Variants in SNX7 observed in about 807,000 individuals in gnomAD.
SNX7 encodes the protein sorting nexin-7.
Under a neutral mutation model 48.4 loss-of-function variants are expected in SNX7, and 35 were observed. That is an observed-to-expected ratio of 0.72 (90% CI 0.55 to 0.96). The LOEUF (loss-of-function observed/expected upper bound fraction) is 0.96, where lower values mean the gene tolerates loss of function less well. Among genes scored for constraint, SNX7 ranks in the 40% least tolerant of loss-of-function variants. The probability of loss-of-function intolerance (pLI) is 0.00; values close to 1 mark genes in which losing one functional copy is unlikely to be tolerated. For synonymous variants in SNX7, 190 were observed against 190.2 expected (o/e 1.00, Z 0.01); for missense variants, 553 against 548.9 (o/e 1.01, Z -0.07).
intron 7 of SNX7, among the ~76,000 whole-genome samples, chr1:98,710,487 C>T (rs1263157310): frequency 6.6e-6 from 1 of 151,778 alleles, no homozygotes; most frequent in Non-Finnish European, 1.5e-5. Flanking sequence ...AACAGATGGA[C>T]AAGTAAAAGG....
chr1:98,752,897 CT>C (rs1392725182), intron 8 of SNX7, among the ~76,000 whole-genome samples: 1 of 152,058 alleles, frequency 6.6e-6, no homozygotes, highest in African/African-American at 2.4e-5. Flanking sequence ...CCTACTTCTC[CT>C]TCCAAAATCA....
At chr1:98,702,084 T>C (rs1403457437) in intron 7 of SNX7, among the ~76,000 whole-genome samples, 181 bp downstream of exon 7, 1 of 152,156 alleles carries the variant, frequency 6.6e-6, no homozygotes, top group Non-Finnish European at 1.5e-5. Context: ...CATGTGAGTC[T>C]ACAAGCTTAA....
chr1:98,663,252 G>GTTTTTTTTTTTTTTTTTTTTTTTTT lies in SNX7; in HGVS notation c.180+1341_180+1342insTTTTTTTTTTTTTTTTTTTTTTTTT, dbSNP rs1491348958. On this transcript the variant is annotated intron_variant, in intron 1 of 8. Transcript: ENST00000306121. The stretch of plus-strand genomic sequence containing the variant: ...ATCAGAATCATCAGGGTTTCTTTCT[G>GTTTTTTTTTTTTTTTTTTTTTTTTT]GTTTTTTTTTTTTTTTTTTTTTTTT... Among the ~76,000 whole-genome samples the GTTTTTTTTTTTTTTTTTTTTTTTTT allele has an allele frequency of 1.6e-4, 13 of 83,184 alleles. 6 individuals carry two copies. Among genetic ancestry groups the GTTTTTTTTTTTTTTTTTTTTTTTTT allele is most frequent in the Admixed American group, 2.5e-4 (2 of 8,004 alleles). The allele number at this position is 83,184 out of a possible 152,430, so 54.6% of individuals were successfully genotyped here.
At chr1:98,661,433 C>A (rs1649200824), upstream of SNX7, among the ~76,000 whole-genome samples, 1 of 152,100 alleles carries the variant, frequency 6.6e-6, no homozygotes, top group South Asian at 2.1e-4. Flanking sequence ...TGGGTCAATG[C>A]GAGGACGCCC....
At chr1:98,719,203 C>T (rs948957188) in intron 7 of SNX7, among the ~76,000 whole-genome samples, 3 of 152,040 alleles carry the variant, frequency 2.0e-5, no homozygotes, top group Non-Finnish European at 4.4e-5. Flanking sequence ...ATGTGTTAAC[C>T]CATGTAGGGT....
chr1:98,756,422 G>GTTTTTTTTTTTTTTT (rs35117249), intron 8 of SNX7, among the ~76,000 whole-genome samples: 1 of 54,692 alleles, frequency 1.8e-5, no homozygotes, highest in East Asian at 7.6e-4. Context: ...TGCCAGATGA[G>GTTTTTTTTTTTTTTT]TTTTTTTTTT....
At chr1:98,725,258 G>T (rs1031548939) in intron 7 of SNX7, among the ~76,000 whole-genome samples, 5 of 151,982 alleles carry the variant, frequency 3.3e-5, no homozygotes, top group Non-Finnish European at 7.4e-5. Flanking sequence ...CATGACTTTG[G>T]CGATCCTTAG....
At chr1:98,759,537 CT>C (rs1250464113) in intron 8 of SNX7, among the ~76,000 whole-genome samples, 1 of 152,088 alleles carries the variant, frequency 6.6e-6, no homozygotes, top group African/African-American at 2.4e-5. Context: ...GGAGCATTCA[CT>C]TTATGCTAGG....
intron 8 of SNX7, among the ~76,000 whole-genome samples, chr1:98,757,230 T>C (rs1009763951): frequency 5.9e-5 from 9 of 152,108 alleles, no homozygotes; most frequent in Non-Finnish European, 1.3e-4. Flanking sequence ...GGTATTTCTT[T>C]ATAGCAATGC....
intron 1 of SNX7, among the ~76,000 whole-genome samples, chr1:98,684,258 T>G (rs961090969): frequency 2.0e-5 from 3 of 152,210 alleles, no homozygotes; most frequent in Non-Finnish European, 4.4e-5. Flanking sequence ...TACCATAGTT[T>G]TTTTCTTCTT....
At chr1:98,748,218 T>C (rs1312840337) in intron 8 of SNX7, among the ~76,000 whole-genome samples, 1 of 152,084 alleles carries the variant, frequency 6.6e-6, no homozygotes, top group African/African-American at 2.4e-5. Context: ...ACTCCTGACC[T>C]CAAGTGATCT....
At chr1:98,691,281 C>T in intron 3 of SNX7, 96 bp downstream of exon 3, 1 of 652,406 alleles carries the variant, frequency 1.5e-6, no homozygotes, top group Non-Finnish European at 2.5e-6. Flanking sequence ...CTTAAGTTCA[C>T]TGTAATTCAT....
intron 8 of SNX7, among the ~76,000 whole-genome samples, chr1:98,740,334 T>G (rs1654007143): frequency 6.6e-6 from 1 of 152,192 alleles, no homozygotes; most frequent in African/African-American, 2.4e-5. Flanking sequence ...TGTCTACGCT[T>G]ACATTACAGA....
intron 5 of SNX7, 73 bp from the exon 6 acceptor site, chr1:98,698,633 T>A (rs1651582141): frequency 7.4e-7 from 1 of 1,343,398 alleles, no homozygotes; most frequent in African/African-American, 1.5e-5. Flanking sequence ...GGCCCTTTCT[T>A]ACTCTCTAGG....
At chr1:98,756,421 A>ATTT (rs1654851653) in intron 8 of SNX7, among the ~76,000 whole-genome samples, 1 of 38,536 alleles carries the variant, frequency 2.6e-5, no homozygotes, top group Non-Finnish European at 6.2e-5. Context: ...CTGCCAGATG[A>ATTT]GTTTTTTTTT....
chr1:98,758,831 TC>T (rs1386602946), intron 8 of SNX7, among the ~76,000 whole-genome samples: 2 of 152,074 alleles, frequency 1.3e-5, no homozygotes, highest in Admixed American at 6.6e-5. Context: ...TTAGAGCCTA[TC>T]TCAGAATTAA....
rs138688549 is a variant in SNX7 at position 98,758,456 on chromosome 1, A to G, written c.1279-1598A>G. On this transcript the variant is annotated intron_variant, in intron 8 of 8. Transcript: ENST00000306121. ...ATGAGAGAGGCTATTATTATTATATATCTGAGGAGCTACAATATCATAAAG... is the reference window on the plus strand; with the variant it reads ...ATGAGAGAGGCTATTATTATTATATGTCTGAGGAGCTACAATATCATAAAG... Among the ~76,000 whole-genome samples the G allele has an allele frequency of 3.6e-3, 551 of 152,090 alleles. 5 individuals are homozygous for G. Among genetic ancestry groups the G allele is most frequent in the African/African-American group, 0.012 (515 of 41,520 alleles).
rs1553196789 is a variant in SNX7, at chr1:98,672,930, C to CAAAGA, written c.180+11022_180+11023insGAAAA. On this transcript the variant is annotated intron_variant, in intron 1 of 8. Transcript: ENST00000306121. Reference sequence around the variant, plus strand: ...TGGGCGACAGAGCGAGACTCCGTCTCAAAAAAAAAAAAAAAAAAAAAAGAA... The same window carrying CAAAGA: ...TGGGCGACAGAGCGAGACTCCGTCTCAAAGAAAAAAAAAAAAAAAAAAAAAAAGAA... 1.8e-3 allele frequency among the ~76,000 whole-genome samples: 159 copies of CAAAGA among 88,526 alleles called. 2 individuals carry two copies. Among genetic ancestry groups the CAAAGA allele is most frequent in the Non-Finnish European group, 2.7e-3 (133 of 48,622 alleles). The allele number at this position is 88,526 out of a possible 152,430, so 58.1% of individuals were successfully genotyped here.
intron 8 of SNX7, among the ~76,000 whole-genome samples, chr1:98,747,580 A>C (rs971198611): frequency 6.6e-6 from 1 of 152,168 alleles, no homozygotes; most frequent in Non-Finnish European, 1.5e-5. Context: ...GTTCTTCACC[A>C]CAGATAGTTT....
Sources: allele counts gnomAD v4.1 joint callset (sites outside exome capture counted in the v4.1 genomes callset), GRCh38; gene constraint gnomAD v4.1.1; transcripts MANE v1.5; gene names NCBI Gene and HGNC (gene_info 2026-07-23, HGNC 2026-07-21).